OLAH: variants seen among roughly 807,000 people sequenced by gnomAD.
The protein encoded by OLAH is oleoyl-ACP hydrolase.
OLAH carries 33 observed loss-of-function variants against 27.8 expected under a neutral mutation model. The observed-to-expected ratio is 1.19, with a 90% CI of 0.90 to 1.59. The LOEUF is 1.59. Ranked by LOEUF, OLAH falls within the 40% of genes most tolerant of loss-of-function variation. OLAH has a pLI of 0.00. For missense variants in OLAH, 359 were observed against 310.8 expected (o/e 1.16, Z -1.17); for synonymous variants, 120 against 102.9 (o/e 1.17, Z -1.01).
At chr10:15,044,743 G>C (rs1417846255) in intron 1 of OLAH, among the ~76,000 whole-genome samples, 1 of 152,028 alleles carries the variant, frequency 6.6e-6, no homozygotes, top group Non-Finnish European at 1.5e-5. Flanking sequence ...TTGTCTCTTA[G>C]TACTTGAAGA....
intron 6 of OLAH, among the ~76,000 whole-genome samples, chr10:15,066,850 G>C (rs973511471): frequency 6.6e-6 from 1 of 151,916 alleles, no homozygotes; most frequent in Non-Finnish European, 1.5e-5. Flanking sequence ...TTGTTGGCCA[G>C]GCTGGTCTCA....
Position 15,061,761 on chromosome 10 carries a change from T to C in OLAH, c.201T>C (p.Val67=), listed in dbSNP as rs200363001. The C allele has an allele frequency of 1.5e-4, 240 of 1,613,660 alleles. 1 individual carries two copies. In the South Asian group the frequency reaches 2.5e-3, roughly 17 times the overall value. The change falls in exon 4 of 8, where the codon GTT becomes GTC. Residue 67 remains valine (V), a synonymous_variant. Transcript: ENST00000378228. Reference sequence around the variant, plus strand: ...GGCTTCCTGGAAGAGAAAGCAGAGTTGAAGAACCTCTTGAAAATGACATCT... The same window carrying C: ...GGCTTCCTGGAAGAGAAAGCAGAGTCGAAGAACCTCTTGAAAATGACATCT... ...SLRLPGRESR[V]EEPLENDISQ...
chr10:15,059,723 T>C (rs1844325302), intron 3 of OLAH, among the ~76,000 whole-genome samples: 1 of 152,148 alleles, frequency 6.6e-6, no homozygotes, highest in South Asian at 2.1e-4. Context: ...GGAGAATCAC[T>C]TGAATCTGGA....
intron 3 of OLAH, among the ~76,000 whole-genome samples, chr10:15,051,965 C>T (rs187828061): frequency 7.2e-4 from 110 of 152,176 alleles, no homozygotes; most frequent in Non-Finnish European, 5.4e-4. Flanking sequence ...TGGCTGTGTC[C>T]CAGTAAAACT....
intron 1 of OLAH, among the ~76,000 whole-genome samples, chr10:15,034,825 G>A (rs1245082756): frequency 7.2e-6 from 1 of 139,000 alleles, no homozygotes. Context: ...TTTTTGAGAC[G>A]GGTCTTGCTC....
rs67524559 is a variant in OLAH, at chr10:15,052,768, ACCCAGGCCCCAGGC to A, written c.163+3012_163+3025del. 3.1e-5 allele frequency among the ~76,000 whole-genome samples: 4 copies of A among 131,106 alleles called. No homozygotes were observed. The South Asian group carries it at 1.0e-3, about 33-fold the overall frequency. The allele number at this position is 131,106 out of a possible 152,430, so 86.0% of individuals were successfully genotyped here. ...TTTGGTGACAGAGTCTCACTCTGTCACCCAGGCCCCAGGCCCCAGGCCGGAGTGCAGTGGCGTGA... is the reference window on the plus strand; with the variant it reads ...TTTGGTGACAGAGTCTCACTCTGTCACCCAGGCCGGAGTGCAGTGGCGTGA... On this transcript the variant is annotated intron_variant, in intron 3 of 7. Transcript: ENST00000378228.
intron 3 of OLAH, among the ~76,000 whole-genome samples, chr10:15,056,327 G>A (rs909943728): frequency 2.6e-5 from 4 of 151,898 alleles, no homozygotes; most frequent in African/African-American, 7.3e-5. Flanking sequence ...ATCTAGGAAT[G>A]GAATTTCTGG....
chr10:15,039,695 G>T (rs12770411), upstream of OLAH, among the ~76,000 whole-genome samples: 14,487 of 152,220 alleles, frequency 0.095, 773 homozygotes, highest in Middle Eastern at 0.19. Flanking sequence ...CTGGAAAGAG[G>T]CCTGTCTGTA....
At chr10:15,051,851 A>G (rs1480467960) in intron 3 of OLAH, among the ~76,000 whole-genome samples, 1 of 152,210 alleles carries the variant, frequency 6.6e-6, no homozygotes, top group Non-Finnish European at 1.5e-5. Flanking sequence ...ACGGCCCAAT[A>G]GTAAATATTT....
intron 4 of OLAH, among the ~76,000 whole-genome samples, chr10:15,064,058 C>T (rs61842444): frequency 0.42 from 63,125 of 151,518 alleles, 13,279 homozygotes; most frequent in East Asian, 0.58. Context: ...ATTAGGATCT[C>T]AGAAATTTCC....
intron 3 of OLAH, among the ~76,000 whole-genome samples, chr10:15,061,277 CAGAGGGTCT>C (rs1327957307): frequency 6.6e-6 from 1 of 152,150 alleles, no homozygotes; most frequent in East Asian, 1.9e-4. Context: ...TACTTTTTCA[CAGAGGGTCT>C]AGAATTTAGG....
At chr10:15,058,932 TTCCCTCTCTCCTTCCCTTCCC>T (rs1437559573) in intron 3 of OLAH, among the ~76,000 whole-genome samples, 15 of 142,864 alleles carry the variant, frequency 1.0e-4, no homozygotes, top group Middle Eastern at 7.3e-3. Context: ...CCTTCCCTCC[TTCCCTCTCTCCTTCCCTTCCC>T]TCCCTCCTTC....
rs531972403 is a variant in OLAH, at chr10:15,059,019, C to T, written c.164-2705C>T. Among the ~76,000 whole-genome samples the T allele has an allele frequency of 2.9e-3, 344 of 117,720 alleles. 1 individual carries two copies. Among genetic ancestry groups the T allele is most frequent in the Non-Finnish European group, 4.8e-3 (262 of 54,990 alleles). The allele number at this position is 117,720 out of a possible 152,430, so 77.2% of individuals were successfully genotyped here. On this transcript the variant is annotated intron_variant, in intron 3 of 7. Transcript: ENST00000378228. ...TCCCTCTCTCCTTCCCTCTCTCCTT[C>T]CCTCCTTCCCTTCCTTCCCTCTCTC...
At chr10:15,071,328 C>T (rs1183584759) in intron 6 of OLAH, among the ~76,000 whole-genome samples, 1 of 152,206 alleles carries the variant, frequency 6.6e-6, no homozygotes, top group Non-Finnish European at 1.5e-5. Context: ...AGTCTCTCAG[C>T]TGCAAGAGGG....
Position 15,068,703 on chromosome 10 carries a change from T to C in OLAH, c.572+2950T>C, listed in dbSNP as rs763835320. Among the ~76,000 whole-genome samples the C allele has an allele frequency of 1.2e-3, 183 of 152,152 alleles. 3 individuals carry two copies. The highest frequency in any genetic ancestry group is 2.1e-4 in the Non-Finnish European group (14 of 68,024). ...GAGCCACCGTGCCCAGTGATAATTT[T>C]ATAAAATCAAAAGCCAGTTATCATG... is the stretch of plus-strand genomic sequence containing the variant. On this transcript the variant is annotated intron_variant, in intron 6 of 7. Coordinates refer to ENST00000378228, the MANE Select transcript of OLAH (RefSeq NM_001039702.3).
At position 15,047,138 on chromosome 10, in the gene OLAH, T is replaced by C. The variant is rs1844033945; in HGVS notation, c.-151T>C. 1.7e-6 allele frequency: 1 copy of C among 597,960 alleles called. No homozygotes were observed. Among genetic ancestry groups the C allele is most frequent in the Admixed American group, 3.1e-5 (1 of 32,630 alleles). 37.0% of individuals were successfully genotyped at this position (597,960 alleles called of 1,614,324 possible). A position where few individuals can be genotyped will look rare whatever the true frequency, so the allele number is the denominator to read the frequency against. On this transcript the variant is annotated 5_prime_UTR_variant, in exon 2 of 8. Transcript: ENST00000378228. The stretch of plus-strand genomic sequence containing the variant: ...TTATTTTTAACAGGGATTGGAGAGG[T>C]CAATAAGAGTCAGCGCCTTTAAAAA...
intron 3 of OLAH, among the ~76,000 whole-genome samples, chr10:15,060,119 T>G (rs780635002): frequency 2.1e-4 from 32 of 152,176 alleles, no homozygotes; most frequent in Non-Finnish European, 4.3e-4. Flanking sequence ...TGTACCACAG[T>G]GTACTCATCA....
rs1274278181 is a variant in OLAH at position 15,047,107 on chromosome 10, CCTT to C, written c.-163-15_-163-13del. 4.1e-6 allele frequency: 2 copies of C among 483,490 alleles called. No individual in the cohort carries two copies. Among genetic ancestry groups the C allele is most frequent in the Non-Finnish European group, 7.3e-6 (2 of 273,824 alleles). The allele number at this position is 483,490 out of a possible 1,614,324, so 29.9% of individuals were successfully genotyped here. A position where few individuals can be genotyped will look rare whatever the true frequency, so the allele number is the denominator to read the frequency against. On this transcript the variant is annotated splice_polypyrimidine_tract_variant and intron_variant, in intron 1 of 7. Transcript: ENST00000378228. ...TGTCTTCTCCTTCCTTTTCCTCTGA[CCTT>C]CTTTATTTTTAACAGGGATTGGAGA...
intron 1 of OLAH, among the ~76,000 whole-genome samples, chr10:15,035,658 C>A (rs942421173): frequency 1.3e-5 from 2 of 152,048 alleles, no homozygotes; most frequent in Non-Finnish European, 2.9e-5. Flanking sequence ...CTATATCAAG[C>A]GCCATCTCCT....
Sources: gnomAD v4.1 joint callset for allele counts (sites outside exome capture counted in the v4.1 genomes callset) on GRCh38, gnomAD v4.1.1 for gene constraint, MANE v1.5 for transcripts, NCBI Gene and HGNC (gene_info 2026-07-23, HGNC 2026-07-21) for gene names.